Variants in RPAP2 observed in about 807,000 individuals in gnomAD.
The protein encoded by RPAP2 is putative RNA polymerase II subunit B1 CTD phosphatase RPAP2.
In RPAP2, 52 loss-of-function variants were observed where a neutral mutation model predicts 73.1. That is an observed-to-expected ratio of 0.71 (90% CI 0.57 to 0.90). The LOEUF is 0.90. RPAP2 is among the 40% of genes least tolerant of loss of function. RPAP2 has a pLI of 0.00. For missense variants in RPAP2, 598 were observed against 701.8 expected, an observed-to-expected ratio of 0.85 and a Z score of 1.67; for synonymous variants, 225 against 242.1, an observed-to-expected ratio of 0.93 and a Z score of 0.65.
rs1167347015 is a variant in RPAP2 at position 92,309,596 on chromosome 1, TACAC to T, written c.488+2322_488+2325del. 3.7e-5 allele frequency among the ~76,000 whole-genome samples: 5 copies of T among 134,358 alleles called. No individual in the cohort carries two copies. In the South Asian group the frequency reaches 8.5e-4, roughly 23 times the overall value. The allele number at this position is 134,358 out of a possible 152,430, so 88.1% of individuals were successfully genotyped here. On this transcript the variant is annotated intron_variant, in intron 6 of 12. Coordinates refer to ENST00000610020, the MANE Select transcript of RPAP2 (RefSeq NM_024813.3). ...ATATACATATACATACACATACACA[TACAC>T]ATACACATACACATACACATACACA...
Position 92,398,245 on chromosome 1 carries a change from G to A in RPAP2, c.*11234G>A, listed in dbSNP as rs1656233343. 1 of 152,172 alleles carries A rather than the reference G, an allele frequency of 6.6e-6. No individual in the cohort carries two copies. The highest frequency in any genetic ancestry group is 6.5e-5 in the Admixed American group (1 of 15,276). The allele number at this position is 152,172 out of a possible 1,614,324, so 9.4% of individuals were successfully genotyped here. A position where few individuals can be genotyped will look rare whatever the true frequency, so the allele number is the denominator to read the frequency against. On this transcript the variant is annotated 3_prime_UTR_variant, in exon 13 of 13. Coordinates refer to ENST00000610020, the MANE Select transcript of RPAP2 (RefSeq NM_024813.3). The stretch of plus-strand genomic sequence containing the variant: ...TGATGGAAACCCTATTTATCCTGAT[G>A]TGATTATTACACATTGCATGCCTGT...
Position 92,398,801 on chromosome 1 carries a change from A to G in RPAP2, c.*11790A>G, listed in dbSNP as rs1656247477. 1 of 152,252 alleles carries G rather than the reference A, an allele frequency of 6.6e-6. No homozygotes were observed. Among genetic ancestry groups the G allele is most frequent in the Admixed American group, 6.5e-5 (1 of 15,284 alleles). 9.4% of individuals were successfully genotyped at this position (152,252 alleles called of 1,614,324 possible). A position where few individuals can be genotyped will look rare whatever the true frequency, so the allele number is the denominator to read the frequency against. On this transcript the variant is annotated 3_prime_UTR_variant, in exon 13 of 13. Coordinates refer to ENST00000610020, the MANE Select transcript of RPAP2 (RefSeq NM_024813.3). ...CTGAAGGATAAGGTGTGGGGCAGTG[A>G]CTGCGTGGGGCTGCCTGTGTGATTC...
chr1:92,320,521 C>T (rs1175463511), intron 6 of RPAP2, 78 bp from the exon 7 acceptor site: 5 of 1,161,914 alleles, frequency 4.3e-6, no homozygotes, highest in Admixed American at 1.8e-5. Context: ...TCCGCCTGCC[C>T]AGCCTCCGAA....
chr1:92,378,726 C>A lies in RPAP2; in HGVS notation c.1689-1998C>A, dbSNP rs372200118. On this transcript the variant is annotated intron_variant, in intron 11 of 12. Coordinates refer to ENST00000610020, the MANE Select transcript of RPAP2 (RefSeq NM_024813.3). The stretch of plus-strand genomic sequence containing the variant: ...TAGCTTCTCGGTTCCATCTTCTCTA[C>A]AGGAAAATGCCTCAGAAAAAAAGCT... Among the ~76,000 whole-genome samples the A allele has an allele frequency of 5.6e-4, 85 of 152,294 alleles. 1 individual carries two copies. The highest frequency in any genetic ancestry group is 1.9e-3 in the African/African-American group (81 of 41,556).
intron 6 of RPAP2, among the ~76,000 whole-genome samples, chr1:92,315,419 C>T (rs1028490479): frequency 6.6e-6 from 1 of 152,172 alleles, no homozygotes; most frequent in Non-Finnish European, 1.5e-5. Flanking sequence ...AATTACCAAA[C>T]TGTGACACAG....
rs1461588012 is a variant in RPAP2, at chr1:92,333,426, C to T, written c.1491C>T (p.Ser497=). 1.9e-6 allele frequency: 3 copies of T among 1,613,506 alleles called. No individual in the cohort carries two copies. The African/African-American group carries it at 4.0e-5, about 22-fold the overall frequency. The part of the protein sequence containing the change: ...DSTFPLIDSS[S]QNQIRKRIVL... ...CCTTTCCACTGATAGACTCAAGTTC[C>T]CAGAACCAGATTAGAAAACGCATCG... Residue 497 remains serine (S), a synonymous_variant, in exon 9 of 13, where the codon TCC becomes TCT. Transcript: ENST00000610020.
intron 6 of RPAP2, among the ~76,000 whole-genome samples, chr1:92,311,509 A>C (rs537488012): frequency 6.6e-6 from 1 of 152,366 alleles, no homozygotes; most frequent in Admixed American, 6.5e-5. Flanking sequence ...TGTAGATCAA[A>C]GCTTTTAAAT....
intron 11 of RPAP2, among the ~76,000 whole-genome samples, chr1:92,371,750 G>C (rs1254425789): frequency 6.6e-6 from 1 of 151,636 alleles, no homozygotes; most frequent in Non-Finnish European, 1.5e-5. Flanking sequence ...ACCTGGGCCA[G>C]GTGCAGTGGC....
chr1:92,371,319 A>ATATATATATATATATATATATAT (rs1553155687), intron 11 of RPAP2, among the ~76,000 whole-genome samples: 1 of 61,728 alleles, frequency 1.6e-5, no homozygotes, highest in Admixed American at 1.8e-4. Flanking sequence ...AAAAAAAAAA[A>ATATATATATATATATATATATAT]ATATATATAT....
Position 92,324,228 on chromosome 1 carries a change from T to A in RPAP2, c.1308T>A (p.Phe436Leu), listed in dbSNP as rs945378277. Residue 436 changes from phenylalanine to leucine, a missense_variant, in exon 8 of 13, where the codon TTT (phenylalanine) becomes TTA (leucine). Around this residue, in one of 3 missense-constraint regions of RPAP2, gnomAD observed 506 missense variants for 612.8 expected, o/e 0.83. Coordinates refer to ENST00000610020, the MANE Select transcript of RPAP2 (RefSeq NM_024813.3). ...ACAGCTTGGATGAGTCTTTACCTTT[T>A]AGGGGCTCAGGTACAGCCATTAAAC... ...SQNSLDESLP[F>L]RGSGTAIKPL... 6.2e-7 allele frequency: 1 copy of A among 1,614,104 alleles called. No individual in the cohort carries two copies. Among genetic ancestry groups the A allele is most frequent in the Non-Finnish European group, 8.5e-7 (1 of 1,179,980 alleles).
intron 11 of RPAP2, among the ~76,000 whole-genome samples, chr1:92,360,380 G>A (rs1654677502): frequency 6.6e-6 from 1 of 152,164 alleles, no homozygotes; most frequent in Non-Finnish European, 1.5e-5. Flanking sequence ...TATTACATAT[G>A]GTGTTGGGGC....
chr1:92,333,450 C>T lies in RPAP2; in HGVS notation c.1515C>T (p.Ile505=), dbSNP rs201921243. Residue 505 remains isoleucine (I), a synonymous_variant, in exon 9 of 13, where the codon ATC becomes ATT. Transcript: ENST00000610020. ...SSSQNQIRKR[I]VLEKLSKVLP... is the part of the protein sequence containing the mutation. ...CCCAGAACCAGATTAGAAAACGCAT[C>T]GTACTTGAAAAGTTGAGTAAAGTGT... The T allele has an allele frequency of 2.3e-5, 37 of 1,613,198 alleles. No homozygotes were observed. The East Asian group carries it at 5.4e-4, about 23-fold the overall frequency.
At chr1:92,353,893 C>T (rs1654335320) in intron 11 of RPAP2, among the ~76,000 whole-genome samples, 1 of 152,138 alleles carries the variant, frequency 6.6e-6, no homozygotes, top group Non-Finnish European at 1.5e-5. Context: ...AAGTTTTAAT[C>T]AAAGCCAATT....
intron 11 of RPAP2, among the ~76,000 whole-genome samples, chr1:92,359,803 AG>A (rs1318614353): frequency 6.6e-6 from 1 of 152,212 alleles, no homozygotes; most frequent in Non-Finnish European, 1.5e-5. Flanking sequence ...TGAAATGGCA[AG>A]AGGCAGAGGA....
intron 6 of RPAP2, among the ~76,000 whole-genome samples, chr1:92,319,780 C>T (rs943588296): frequency 2.0e-5 from 3 of 152,154 alleles, no homozygotes; most frequent in Non-Finnish European, 2.9e-5. Context: ...AGGAGGATCA[C>T]CTGAAGTCAG....
At chr1:92,356,693 C>G (rs1431248480) in intron 11 of RPAP2, among the ~76,000 whole-genome samples, 1 of 151,176 alleles carries the variant, frequency 6.6e-6, no homozygotes, top group Non-Finnish European at 1.5e-5. Flanking sequence ...CCTCAGCCTT[C>G]CGAAGTGCTG....
chr1:92,384,770 C>T (rs1450483460), intron 12 of RPAP2, among the ~76,000 whole-genome samples: 2 of 152,064 alleles, frequency 1.3e-5, no homozygotes, highest in African/African-American at 2.4e-5. Flanking sequence ...ATAAGCATAA[C>T]ATTCAAAGGC....
At chr1:92,361,620 T>C (rs1216536540) in intron 11 of RPAP2, among the ~76,000 whole-genome samples, 1 of 152,188 alleles carries the variant, frequency 6.6e-6, no homozygotes, top group African/African-American at 2.4e-5. Flanking sequence ...TGGGACTATT[T>C]AGCCTTAAAA....
intron 12 of RPAP2, among the ~76,000 whole-genome samples, chr1:92,382,060 G>A (rs1224322954): frequency 6.6e-6 from 1 of 151,632 alleles, no homozygotes; most frequent in Non-Finnish European, 1.5e-5. Flanking sequence ...GAGAATGATG[G>A]TTTCCAGTTT....
Sources: allele counts gnomAD v4.1 joint callset (sites outside exome capture counted in the v4.1 genomes callset), GRCh38; gene constraint gnomAD v4.1.1; regional missense constraint gnomAD v4.1.1; transcripts MANE v1.5; gene names NCBI Gene and HGNC (gene_info 2026-07-23, HGNC 2026-07-21).